OSMR: variants seen among roughly 807,000 people sequenced by gnomAD.
OSMR encodes oncostatin-M-specific receptor subunit beta.
OSMR carries 81 observed loss-of-function variants against 99.9 expected under a neutral mutation model. That is an observed-to-expected ratio of 0.81 (90% CI 0.68 to 0.97). OSMR has a LOEUF of 0.97. OSMR is among the 50% of genes least tolerant of loss of function. The pLI, the probability that OSMR is intolerant of heterozygous loss-of-function variation, is 0.00. For synonymous variants in OSMR, 406 were observed against 410.4 expected, an observed-to-expected ratio of 0.99 and a Z score of 0.13; for missense variants, 1,099 against 1,153.4, an observed-to-expected ratio of 0.95 and a Z score of 0.68.
chr5:38,879,526 G>T (rs747236575), intron 3 of OSMR, among the ~76,000 whole-genome samples: 1 of 152,040 alleles, frequency 6.6e-6, no homozygotes, highest in Non-Finnish European at 1.5e-5. Context: ...GGGAGGTAAA[G>T]TTCAGTCTGT....
Position 38,903,942 on chromosome 5 carries a change from T to G in OSMR, c.1052T>G (p.Met351Arg). ...FENVNATNAI[M>R]TWKVHSIRNN... ...AATGTAAATGCCACAAATGCCATCA[T>G]GACCTGGAAGGTGCACTCCATAAGG... The change falls in exon 8 of 18, where the codon ATG becomes AGG. Residue 351 changes from methionine to arginine, a missense_variant. By Grantham distance (91) the Met-to-Arg change is moderately conservative (BLOSUM62 -1). Coordinates refer to ENST00000274276, the MANE Select transcript of OSMR (RefSeq NM_003999.3). 1 of 1,614,050 alleles carries G rather than the reference T, an allele frequency of 6.2e-7. No homozygotes were observed. The highest frequency in any genetic ancestry group is 8.5e-7 in the Non-Finnish European group (1 of 1,179,978).
At chr5:38,854,631 A>T (rs910194835) in intron 1 of OSMR, among the ~76,000 whole-genome samples, 3 of 152,236 alleles carry the variant, frequency 2.0e-5, no homozygotes, top group African/African-American at 7.2e-5. Flanking sequence ...TCATTAAAAA[A>T]AGATTGAAAG....
At chr5:38,874,776 T>C (rs913173948) in intron 2 of OSMR, among the ~76,000 whole-genome samples, 2 of 152,232 alleles carry the variant, frequency 1.3e-5, no homozygotes, top group Admixed American at 6.5e-5. Flanking sequence ...CTATTTAATT[T>C]CACATTGCTT....
chr5:38,879,208 T>C (rs1743068361), intron 3 of OSMR, among the ~76,000 whole-genome samples: 1 of 152,242 alleles, frequency 6.6e-6, no homozygotes, highest in Non-Finnish European at 1.5e-5. Context: ...CCAACAGGCA[T>C]GAGCAGAGGC....
At chr5:38,909,137 A>G (rs1340011667) in intron 9 of OSMR, among the ~76,000 whole-genome samples, 3 of 152,246 alleles carry the variant, frequency 2.0e-5, no homozygotes, top group Non-Finnish European at 2.9e-5. Flanking sequence ...ATGCAAGCTG[A>G]GGAAAGAGTC....
At chr5:38,936,744 C>T (rs1221940033), downstream of OSMR, among the ~76,000 whole-genome samples, 2 of 152,114 alleles carry the variant, frequency 1.3e-5, no homozygotes, top group Non-Finnish European at 1.5e-5. Flanking sequence ...TTTTAAAACT[C>T]TGGAAGAGAG....
In OSMR at chr5:38,895,235, A is replaced by G. The variant is rs557383260; in HGVS notation, c.992-8647A>G. Among the ~76,000 whole-genome samples the G allele has an allele frequency of 2.0e-5, 3 of 152,210 alleles. No homozygotes were observed. The South Asian group carries it at 6.2e-4, about 32-fold the overall frequency. ...GACCCCAAAGCTAGAAAAGAAAATAAATAACTAAAATTAGAGCAGAACTGA... is the reference window on the plus strand; with the variant it reads ...GACCCCAAAGCTAGAAAAGAAAATAGATAACTAAAATTAGAGCAGAACTGA... On this transcript the variant is annotated intron_variant, in intron 7 of 17. Transcript: ENST00000274276.
intron 8 of OSMR, 63 bp from the exon 9 acceptor site, chr5:38,904,290 T>A: frequency 6.4e-7 from 1 of 1,561,680 alleles, no homozygotes; most frequent in South Asian, 1.2e-5. Context: ...TGGGATGCAC[T>A]CACCAATGTT....
At chr5:38,868,370 C>T (rs357281) in intron 1 of OSMR, among the ~76,000 whole-genome samples, 28,598 of 152,092 alleles carry the variant, frequency 0.19, 2,922 homozygotes, top group African/African-American at 0.22. Flanking sequence ...GTAGGTGATA[C>T]GGCTTGGCTG....
chr5:38,888,789 C>T (rs1293745682), intron 7 of OSMR, among the ~76,000 whole-genome samples: 1 of 152,100 alleles, frequency 6.6e-6, no homozygotes, highest in Non-Finnish European at 1.5e-5. Flanking sequence ...AGAGCTTATG[C>T]AAATATTTCT....
chr5:38,902,235 C>A (rs139551970), intron 7 of OSMR, among the ~76,000 whole-genome samples: 3 of 152,232 alleles, frequency 2.0e-5, no homozygotes, highest in Non-Finnish European at 2.9e-5. Context: ...AGGTGGCAGG[C>A]GGAAGTGGAT....
chr5:38,849,021 A>G (rs1579606162), intron 1 of OSMR, among the ~76,000 whole-genome samples: 1 of 151,996 alleles, frequency 6.6e-6, no homozygotes, highest in African/African-American at 2.4e-5. Flanking sequence ...CAAGCAGTCC[A>G]CCTGCCTTGG....
At chr5:38,886,518 C>A in intron 7 of OSMR, 1 of 277,464 alleles carries the variant, frequency 3.6e-6, no homozygotes, top group Non-Finnish European at 6.5e-6. Flanking sequence ...AAATTGTGTG[C>A]GTGTGTATTC....
chr5:38,904,469 ATG>A lies in OSMR; in HGVS notation c.1252_1253del (p.Trp418GlufsTer9). 5.0e-6 allele frequency: 8 copies of A among 1,614,174 alleles called. No homozygotes were observed. The highest frequency in any genetic ancestry group is 6.8e-6 in the Non-Finnish European group (8 of 1,180,034). On this transcript the variant is annotated frameshift_variant, in exon 9 of 18. Transcript: ENST00000274276. LOFTEE classifies it high-confidence loss of function. The part of the protein sequence containing the change: ...DASHFWKWSE[W>X]SGQNFTTLEA... ...CCAGCCACTTCTGGAAATGGAGTGA[ATG>A]GAGTGGTCAGAACTTCACCACACTT...
intron 7 of OSMR, among the ~76,000 whole-genome samples, chr5:38,887,573 A>G (rs1743869077): frequency 6.6e-6 from 1 of 152,188 alleles, no homozygotes; most frequent in African/African-American, 2.4e-5. Context: ...CTGCACTAGT[A>G]TTACACTAAC....
intron 2 of OSMR, chr5:38,944,559 T>C (rs1198288323): frequency 1.3e-6 from 2 of 1,599,102 alleles, no homozygotes; most frequent in Admixed American, 1.8e-5. Context: ...CATCTGGAAT[T>C]GTTTTAACAC....
At chr5:38,922,306 C>G (rs1291664001) in intron 12 of OSMR, among the ~76,000 whole-genome samples, 1 of 152,038 alleles carries the variant, frequency 6.6e-6, no homozygotes, top group East Asian at 1.9e-4. Flanking sequence ...GTGGCGCCAT[C>G]TACTGGGCTC....
intron 3 of OSMR, among the ~76,000 whole-genome samples, chr5:38,878,570 A>G (rs546470001): frequency 6.6e-6 from 1 of 152,302 alleles, no homozygotes; most frequent in South Asian, 2.1e-4. Context: ...AAAGTAGAGT[A>G]AGAGCTCAAG....
intron 15 of OSMR, among the ~76,000 whole-genome samples, chr5:38,930,647 A>T (rs1184318858): frequency 6.6e-6 from 1 of 152,206 alleles, no homozygotes; most frequent in Non-Finnish European, 1.5e-5. Flanking sequence ...TGGGAACAGG[A>T]AGATAGTGTC....
Sources: gnomAD v4.1 joint callset for allele counts (sites outside exome capture counted in the v4.1 genomes callset) on GRCh38, gnomAD v4.1.1 for gene constraint, MANE v1.5 for transcripts, NCBI Gene and HGNC (gene_info 2026-07-23, HGNC 2026-07-21) for gene names.